The following CLSTN2 variants were observed in gnomAD, a reference collection of about 807,000 sequenced individuals.
The protein encoded by CLSTN2 is calsyntenin-2.
CLSTN2 carries 48 observed loss-of-function variants against 101.2 expected under a neutral mutation model. The observed-to-expected ratio is 0.47, with a 90% CI of 0.38 to 0.60. CLSTN2 has a LOEUF of 0.60. CLSTN2 is among the 20% of genes least tolerant of loss of function. The pLI is 0.00. For missense variants in CLSTN2, 1,160 were observed against 1,238.2 expected, an observed-to-expected ratio of 0.94 and a Z score of 0.95; for synonymous variants, 481 against 463.6, an observed-to-expected ratio of 1.04 and a Z score of -0.48.
chr3:140,212,568 C>T lies in CLSTN2; in HGVS notation c.232+36495C>T, dbSNP rs142752706. Reference sequence around the variant, plus strand: ...TTGCTTAGTCTCATTTGCTTATAATCCTTCAATGGCTCCCCTCTGCTTTTA... The same window carrying T: ...TTGCTTAGTCTCATTTGCTTATAATTCTTCAATGGCTCCCCTCTGCTTTTA... On this transcript the variant is annotated intron_variant, in intron 2 of 16. Transcript: ENST00000458420. Among the ~76,000 whole-genome samples, 781 of 152,306 alleles carry T rather than the reference C, an allele frequency of 5.1e-3. 5 individuals carry two copies. Among genetic ancestry groups the T allele is most frequent in the African/African-American group, 0.018 (736 of 41,552 alleles).
intron 2 of CLSTN2, among the ~76,000 whole-genome samples, chr3:140,240,170 CTCTCTATATATATA>C (rs2086449804): frequency 6.2e-5 from 1 of 16,012 alleles, no homozygotes; most frequent in East Asian, 0.012. Context: ...CTCTCTCTCT[CTCTCTATATATATA>C]TATATATATA....
chr3:139,987,006 T>A (rs1244253822), intron 1 of CLSTN2, among the ~76,000 whole-genome samples: 1 of 151,002 alleles, frequency 6.6e-6, no homozygotes, highest in African/African-American at 2.4e-5. Flanking sequence ...ATATCATACA[T>A]CCCTATTATG....
chr3:140,334,754 C>A (rs533931054), intron 2 of CLSTN2, among the ~76,000 whole-genome samples: 3 of 152,226 alleles, frequency 2.0e-5, no homozygotes, highest in African/African-American at 7.2e-5. Context: ...CAGAAGGTGG[C>A]AGATAAGATG....
chr3:140,360,015 C>CAT (rs148938060), intron 2 of CLSTN2, among the ~76,000 whole-genome samples: 14,934 of 151,410 alleles, frequency 0.099, 862 homozygotes, highest in East Asian at 0.19. Flanking sequence ...CACACACACA[C>CAT]ACACACACAC....
intron 9 of CLSTN2, among the ~76,000 whole-genome samples, chr3:140,533,710 CA>C (rs71627883): frequency 0.024 from 1,409 of 58,788 alleles, 10 homozygotes; most frequent in African/African-American, 0.071. Context: ...GACTCCATCT[CA>C]AAAAAAAAAA....
At chr3:140,529,433 A>G (rs780588561) in intron 8 of CLSTN2, among the ~76,000 whole-genome samples, 1 of 152,212 alleles carries the variant, frequency 6.6e-6, no homozygotes, top group Non-Finnish European at 1.5e-5. Flanking sequence ...TGATTCATGA[A>G]CAGTCGGGAA....
At chr3:140,556,322 G>C (rs895300953) in intron 10 of CLSTN2, among the ~76,000 whole-genome samples, 191 bp from the exon 11 acceptor site, 1 of 152,134 alleles carries the variant, frequency 6.6e-6, no homozygotes, top group Non-Finnish European at 1.5e-5. Flanking sequence ...GGGCCGCAAA[G>C]CCCACCAGAG....
intron 2 of CLSTN2, among the ~76,000 whole-genome samples, chr3:140,193,983 T>C (rs1464965774): frequency 1.3e-5 from 2 of 152,190 alleles, no homozygotes; most frequent in Admixed American, 1.3e-4. Flanking sequence ...GTTCTTTATA[T>C]TTTCTATTTA....
At chr3:139,944,913 C>T (rs1935192371) in intron 1 of CLSTN2, among the ~76,000 whole-genome samples, 1 of 152,188 alleles carries the variant, frequency 6.6e-6, no homozygotes, top group Admixed American at 6.5e-5. Context: ...CATTAACCAC[C>T]TTGAAATGTA....
chr3:140,484,522 T>C (rs972101330), intron 8 of CLSTN2, among the ~76,000 whole-genome samples: 1 of 152,208 alleles, frequency 6.6e-6, no homozygotes, highest in Non-Finnish European at 1.5e-5. Context: ...CCTTGCTAGG[T>C]TGGGGAAGTT....
chr3:140,290,095 C>G lies in CLSTN2; in HGVS notation c.233-113534C>G, dbSNP rs543221980. On this transcript the variant is annotated intron_variant, in intron 2 of 16. Transcript: ENST00000458420. ...AATTCCCTTTAGTGCTCTGATTTTG[C>G]TAATAGGCATCAGAAAAGATTGTCA... 1.0e-3 allele frequency among the ~76,000 whole-genome samples: 154 copies of G among 151,612 alleles called. 3 individuals carry two copies. In the East Asian group the frequency reaches 0.028, roughly 28 times the overall value.
At chr3:140,123,166 C>T (rs73868728) in intron 1 of CLSTN2, among the ~76,000 whole-genome samples, 15,247 of 60,116 alleles carry the variant, frequency 0.25, 1,389 homozygotes, top group African/African-American at 0.44. Flanking sequence ...TCCTCCAGGG[C>T]GGGGGGGTGG....
At chr3:140,312,944 A>G (rs758699181) in intron 2 of CLSTN2, among the ~76,000 whole-genome samples, 1 of 152,218 alleles carries the variant, frequency 6.6e-6, no homozygotes, top group East Asian at 1.9e-4. Context: ...AACAATTTCT[A>G]TTTTGTGTTA....
intron 1 of CLSTN2, among the ~76,000 whole-genome samples, chr3:140,072,991 T>G (rs75466925): frequency 0.023 from 3,484 of 152,326 alleles, 62 homozygotes; most frequent in Non-Finnish European, 0.033. Flanking sequence ...CAAATTACTC[T>G]GAAACCTTTA....
intron 1 of CLSTN2, among the ~76,000 whole-genome samples, chr3:140,048,500 G>T (rs911678779): frequency 6.6e-6 from 1 of 152,184 alleles, no homozygotes; most frequent in Non-Finnish European, 1.5e-5. Flanking sequence ...CTCCTCGGGG[G>T]CCAGGCATTG....
intron 2 of CLSTN2, among the ~76,000 whole-genome samples, chr3:140,402,020 G>T (rs887595085): frequency 6.6e-6 from 1 of 152,174 alleles, no homozygotes; most frequent in African/African-American, 2.4e-5. Flanking sequence ...GGCTAGGAGG[G>T]GTGGCGGCGG....
intron 2 of CLSTN2, among the ~76,000 whole-genome samples, chr3:140,394,686 T>C (rs551602799): frequency 6.6e-6 from 1 of 152,228 alleles, no homozygotes; most frequent in South Asian, 2.1e-4. Flanking sequence ...GGTTTCTGAT[T>C]CATCCAAATC....
chr3:140,546,842 T>C (rs1251164051), intron 10 of CLSTN2, among the ~76,000 whole-genome samples, 161 bp downstream of exon 10: 1 of 152,134 alleles, frequency 6.6e-6, no homozygotes, highest in African/African-American at 2.4e-5. Flanking sequence ...GGAGGGAGAT[T>C]AGTAACCATG....
intron 2 of CLSTN2, among the ~76,000 whole-genome samples, chr3:140,398,586 A>G (rs2088208093): frequency 6.6e-6 from 1 of 152,222 alleles, no homozygotes; most frequent in Non-Finnish European, 1.5e-5. Flanking sequence ...CCACTGTCCT[A>G]GAACATCACA....
Sources: allele counts gnomAD v4.1 joint callset (sites outside exome capture counted in the v4.1 genomes callset), GRCh38; gene constraint gnomAD v4.1.1; transcripts MANE v1.5; gene names NCBI Gene and HGNC (gene_info 2026-07-23, HGNC 2026-07-21).